Variants in ADAM23 observed in about 807,000 individuals in gnomAD.
The protein encoded by ADAM23 is disintegrin and metalloproteinase domain-containing protein 23.
A neutral mutation model predicts 120.1 loss-of-function variants in ADAM23; 33 were observed. The ratio of observed to expected loss-of-function variants is 0.27; its 90% CI spans 0.21 to 0.37. The LOEUF is 0.37. Among genes scored for constraint, ADAM23 ranks in the 10% least tolerant of loss-of-function variants. The probability of loss-of-function intolerance (pLI) is 1.00; values close to 1 mark genes in which losing one functional copy is unlikely to be tolerated. For synonymous variants in ADAM23, 367 were observed against 375.2 expected (o/e 0.98, Z 0.25); for missense variants, 862 against 1,058.2 (o/e 0.81, Z 2.57).
intron 2 of ADAM23, among the ~76,000 whole-genome samples, chr2:206,463,041 G>T (rs546892469): frequency 4.7e-4 from 71 of 152,290 alleles, no homozygotes; most frequent in African/African-American, 1.6e-3. Flanking sequence ...CAGAGGAATT[G>T]CAGGGATGCA....
At chr2:206,603,647 C>A (rs1267019213) in intron 24 of ADAM23, among the ~76,000 whole-genome samples, 1 of 152,154 alleles carries the variant, frequency 6.6e-6, no homozygotes, top group Non-Finnish European at 1.5e-5. Flanking sequence ...TATATCTATT[C>A]ATCTTGAATA....
At chr2:206,595,379 A>G (rs1698504417) in intron 23 of ADAM23, among the ~76,000 whole-genome samples, 1 of 151,736 alleles carries the variant, frequency 6.6e-6, no homozygotes, top group African/African-American at 2.4e-5. Flanking sequence ...CCATTCCAGC[A>G]TGCTGGTGGG....
At chr2:206,580,786 G>A (rs1171970489) in intron 18 of ADAM23, among the ~76,000 whole-genome samples, 1 of 152,076 alleles carries the variant, frequency 6.6e-6, no homozygotes, top group Admixed American at 6.5e-5. Flanking sequence ...AGTGTCATAA[G>A]GATTGGTACC....
At position 206,561,137 on chromosome 2, in the gene ADAM23, A is replaced by G. The variant is rs1697756482; in HGVS notation, c.1179A>G (p.Thr393=). 1.2e-6 allele frequency: 2 copies of G among 1,613,930 alleles called. No homozygotes were observed. The highest frequency in any genetic ancestry group is 1.3e-5 in the African/African-American group (1 of 74,930). ...ADAVHLISRV[T]FHYKRSSLSY... ...ACTGCTTTTTCTTAAGGCGGGTGAC[A>G]TTTCACTATAAGAGAAGCAGTCTGA... The change falls in exon 12 of 26, where the codon ACA becomes ACG. Residue 393 remains threonine, a synonymous_variant. Coordinates refer to ENST00000264377, the MANE Select transcript of ADAM23 (RefSeq NM_003812.4).
At chr2:206,613,839 T>G (rs1000032401) in intron 25 of ADAM23, among the ~76,000 whole-genome samples, 1 of 152,226 alleles carries the variant, frequency 6.6e-6, no homozygotes, top group African/African-American at 2.4e-5. Context: ...GCGTTGCTAT[T>G]TATCTGATAT....
rs1008145811 is a variant in ADAM23, at chr2:206,592,693, A to G, written c.2035A>G (p.Ile679Val). 6 of 1,613,966 alleles carry G rather than the reference A, an allele frequency of 3.7e-6. No individual in the cohort carries two copies. Among genetic ancestry groups the G allele is most frequent in the Middle Eastern group, 1.6e-4 (1 of 6,084 alleles). The change falls in exon 22 of 26, where the codon ATT (isoleucine) becomes GTT (valine). Residue 679 changes from isoleucine to valine, a missense_variant. Coordinates refer to ENST00000264377, the MANE Select transcript of ADAM23 (RefSeq NM_003812.4). ...PRIGQLQGEI[I>V]PTSFYHQGRV... ...TATTGGTCAACTTCAGGGTGAGATC[A>G]TTCCAACTTCCTTCTACCATCAAGG...
intron 3 of ADAM23, among the ~76,000 whole-genome samples, chr2:206,497,995 A>T (rs1696294667): frequency 1.3e-5 from 2 of 152,182 alleles, no homozygotes; most frequent in African/African-American, 4.8e-5. Context: ...TCAATGAAAT[A>T]AAAGGGGATA....
chr2:206,506,102 CA>C (rs1313786594), intron 3 of ADAM23, among the ~76,000 whole-genome samples: 2 of 152,118 alleles, frequency 1.3e-5, no homozygotes, highest in Non-Finnish European at 2.9e-5. Context: ...TCAGACAAGA[CA>C]AAATAATTTA....
chr2:206,489,428 T>A (rs888843930), intron 3 of ADAM23, among the ~76,000 whole-genome samples: 2 of 152,272 alleles, frequency 1.3e-5, no homozygotes, highest in South Asian at 4.2e-4. Flanking sequence ...GGTCACACAC[T>A]CTGGGCCTTA....
intron 2 of ADAM23, among the ~76,000 whole-genome samples, chr2:206,463,608 A>G (rs930821157): frequency 6.6e-6 from 1 of 152,366 alleles, no homozygotes; most frequent in East Asian, 1.9e-4. Flanking sequence ...TAGTGCTGCT[A>G]TGTCCCAATG....
intron 2 of ADAM23, among the ~76,000 whole-genome samples, chr2:206,463,293 G>A (rs938286875): frequency 6.6e-6 from 1 of 152,232 alleles, no homozygotes; most frequent in Non-Finnish European, 1.5e-5. Context: ...GAGAGAAGGA[G>A]ATGTAATGTT....
At chr2:206,532,747 CATAATA>C (rs1697092321) in intron 4 of ADAM23, among the ~76,000 whole-genome samples, 3 of 151,946 alleles carry the variant, frequency 2.0e-5, no homozygotes, top group Non-Finnish European at 2.9e-5. Context: ...TTAAAAATTT[CATAATA>C]TTATTTCTAA....
At chr2:206,483,420 G>T (rs1225099310) in intron 3 of ADAM23, among the ~76,000 whole-genome samples, 1 of 152,160 alleles carries the variant, frequency 6.6e-6, no homozygotes, top group African/African-American at 2.4e-5. Context: ...TCAGGGGAGA[G>T]ATGGGAGCTA....
intron 6 of ADAM23, among the ~76,000 whole-genome samples, chr2:206,543,544 C>G (rs756441845): frequency 1.3e-5 from 2 of 152,104 alleles, no homozygotes; most frequent in Non-Finnish European, 2.9e-5. Context: ...GAAGCAAATC[C>G]TAGTCCTTCC....
At chr2:206,489,462 A>G (rs763690060) in intron 3 of ADAM23, among the ~76,000 whole-genome samples, 1 of 152,166 alleles carries the variant, frequency 6.6e-6, no homozygotes, top group African/African-American at 2.4e-5. Context: ...AGAGGAGACT[A>G]TGTGAACATT....
At chr2:206,518,880 A>G (rs1010625476) in intron 3 of ADAM23, among the ~76,000 whole-genome samples, 1 of 152,188 alleles carries the variant, frequency 6.6e-6, no homozygotes, top group African/African-American at 2.4e-5. Context: ...CCAGTATGCA[A>G]TAGCTGATTA....
chr2:206,451,541 A>G (rs562113289), intron 2 of ADAM23, among the ~76,000 whole-genome samples: 1 of 152,220 alleles, frequency 6.6e-6, no homozygotes, highest in Non-Finnish European at 1.5e-5. Flanking sequence ...TGCCTGGCCT[A>G]GTGTAACATT....
At chr2:206,449,739 C>T (rs1331619182) in intron 2 of ADAM23, among the ~76,000 whole-genome samples, 5 of 152,168 alleles carry the variant, frequency 3.3e-5, no homozygotes, top group Non-Finnish European at 7.4e-5. Flanking sequence ...CCACCCTGGG[C>T]CACAGAATGA....
intron 25 of ADAM23, 148 bp from the exon 26 acceptor site, chr2:206,617,431 T>G: frequency 5.1e-6 from 4 of 778,474 alleles, no homozygotes; most frequent in Non-Finnish European, 7.6e-6. Flanking sequence ...AATTTCAAGT[T>G]ATTTTGGAGA....
Sources: allele counts gnomAD v4.1 joint callset (sites outside exome capture counted in the v4.1 genomes callset), GRCh38; gene constraint gnomAD v4.1.1; transcripts MANE v1.5; gene names NCBI Gene and HGNC (gene_info 2026-07-23, HGNC 2026-07-21).